Variants in NCKAP5 observed in about 807,000 individuals in gnomAD.
The protein encoded by NCKAP5 is NCK associated protein 5, also known as nck-associated protein 5.
Under a neutral mutation model 167.0 loss-of-function variants are expected in NCKAP5, and 92 were observed. The observed-to-expected ratio is 0.55, with a 90% CI of 0.47 to 0.66. The LOEUF (loss-of-function observed/expected upper bound fraction) is 0.66. Ranked by LOEUF, NCKAP5 falls within the 30% of genes least tolerant of loss-of-function variation. The pLI is 0.00. For missense variants in NCKAP5, 2,378 were observed against 2,315.0 expected (o/e 1.03, Z -0.56); for synonymous variants, 891 against 877.4 (o/e 1.02, Z -0.27).
chr2:133,381,483 C>A (rs1195545851), intron 3 of NCKAP5: 1 of 152,190 alleles, frequency 6.6e-6, no homozygotes, highest in Non-Finnish European at 1.5e-5. Context: ...AGAACTGCTC[C>A]CTCTATCCAG....
At chr2:132,875,817 G>A (rs1424499271) in intron 9 of NCKAP5, among the ~76,000 whole-genome samples, 2 of 152,196 alleles carry the variant, frequency 1.3e-5, no homozygotes, top group Non-Finnish European at 2.9e-5. Context: ...GAGATAGGGA[G>A]CAGTAGCGGT....
At chr2:133,207,654 A>G (rs1238366199) in intron 5 of NCKAP5, among the ~76,000 whole-genome samples, 1 of 151,092 alleles carries the variant, frequency 6.6e-6, no homozygotes, top group East Asian at 1.9e-4. Context: ...GAAAAACAAC[A>G]ACGACAACAA....
chr2:133,059,255 G>A (rs1227158886), intron 6 of NCKAP5, among the ~76,000 whole-genome samples: 3 of 151,950 alleles, frequency 2.0e-5, no homozygotes, highest in Admixed American at 1.3e-4. Context: ...AGCCGAGATC[G>A]CGCCACTGCA....
intron 19 of NCKAP5, among the ~76,000 whole-genome samples, chr2:132,694,696 G>T (rs1452008875): frequency 6.6e-6 from 1 of 152,186 alleles, no homozygotes; most frequent in East Asian, 1.9e-4. Flanking sequence ...TGACTCAGCT[G>T]GGGTGCCATC....
intron 5 of NCKAP5, among the ~76,000 whole-genome samples, chr2:133,161,859 A>G (rs2083807856): frequency 6.6e-6 from 1 of 152,204 alleles, no homozygotes. Context: ...AACTGTCCAC[A>G]AAGACATCTT....
intron 4 of NCKAP5, among the ~76,000 whole-genome samples, chr2:133,231,358 A>G (rs760229012): frequency 1.3e-5 from 2 of 152,168 alleles, no homozygotes; most frequent in Non-Finnish European, 2.9e-5. Flanking sequence ...ACCAATCAAC[A>G]TATTCACCCT....
chr2:133,333,281 T>A (rs1682988104), intron 3 of NCKAP5, among the ~76,000 whole-genome samples: 1 of 152,164 alleles, frequency 6.6e-6, no homozygotes, highest in Non-Finnish European at 1.5e-5. Flanking sequence ...CTTTTCTCCC[T>A]CTTTTTTAGA....
intron 5 of NCKAP5, among the ~76,000 whole-genome samples, chr2:133,171,654 G>A (rs1450504680): frequency 6.6e-6 from 1 of 152,182 alleles, no homozygotes; most frequent in Non-Finnish European, 1.5e-5. Context: ...GAGAAAAGGT[G>A]CTTAGCTTCT....
rs572766982 is a variant in NCKAP5 at position 132,731,801 on chromosome 2, G to T, written c.5379C>A (p.Asp1793Glu). ...ADSAIVHSTSDPIMTARGMRP... is the reference protein window; with the variant it reads ...ADSAIVHSTSEPIMTARGMRP... The stretch of plus-strand genomic sequence containing the variant: ...TCATCCCTCTGGCGGTCATGATGGG[G>T]TCGGATGTGGAATGAACAATGGCGC... Residue 1793 changes from aspartate to glutamate, a missense_variant, in exon 17 of 20, where the codon GAC becomes GAA. Asp to Glu is a conservative substitution (Grantham distance 45, BLOSUM62 2). Transcript: ENST00000409261. 3 of 1,613,938 alleles carry T rather than the reference G, an allele frequency of 1.9e-6. No homozygotes were observed. In the South Asian group the frequency reaches 3.3e-5, roughly 18 times the overall value.
chr2:132,982,094 G>T (rs1468154111), intron 7 of NCKAP5, among the ~76,000 whole-genome samples: 1 of 152,244 alleles, frequency 6.6e-6, no homozygotes, highest in East Asian at 1.9e-4. Context: ...GAGGCAGGAA[G>T]AATTTGGCTA....
intron 5 of NCKAP5, among the ~76,000 whole-genome samples, chr2:133,190,343 T>C (rs555675946): frequency 2.6e-5 from 4 of 152,178 alleles, no homozygotes; most frequent in Non-Finnish European, 5.9e-5. Flanking sequence ...AAAATGGCCA[T>C]ACTGCCCAAG....
the NCKAP5 span, among the ~76,000 whole-genome samples, chr2:133,658,252 C>T: frequency 2.0e-5 from 3 of 152,114 alleles, no homozygotes; most frequent in South Asian, 2.1e-4. Context: ...TGATTGTGGT[C>T]TCTGAGGCAT....
At position 133,115,822 on chromosome 2, in the gene NCKAP5, T is replaced by TCACACACA. The variant is rs141741244; in HGVS notation, c.341+14148_341+14155dup. Among the ~76,000 whole-genome samples the TCACACACA allele has an allele frequency of 4.7e-3, 573 of 122,950 alleles. 2 individuals carry two copies. Among genetic ancestry groups the TCACACACA allele is most frequent in the African/African-American group, 6.7e-3 (230 of 34,198 alleles). The allele number at this position is 122,950 out of a possible 152,430, so 80.7% of individuals were successfully genotyped here. On this transcript the variant is annotated intron_variant, in intron 6 of 19. Coordinates refer to ENST00000409261, the MANE Select transcript of NCKAP5 (RefSeq NM_207363.3). Reference sequence around the variant, plus strand: ...ATATATATATATATATATATAGTGTTCACACACACACACACACACACGCCC... The same window carrying TCACACACA: ...ATATATATATATATATATATAGTGTTCACACACACACACACACACACACACACACGCCC...
chr2:132,715,132 A>G (rs1689242619), intron 19 of NCKAP5, among the ~76,000 whole-genome samples: 2 of 152,192 alleles, frequency 1.3e-5, no homozygotes. Context: ...GTCAGAGAAA[A>G]AGCAATTAGA....
At chr2:132,989,693 T>C (rs1209458625) in intron 7 of NCKAP5, among the ~76,000 whole-genome samples, 1 of 152,198 alleles carries the variant, frequency 6.6e-6, no homozygotes, top group Non-Finnish European at 1.5e-5. Flanking sequence ...CTTTGTGACC[T>C]GAGATTTTAG....
intron 2 of NCKAP5, among the ~76,000 whole-genome samples, chr2:133,549,773 C>CA (rs1415693445): frequency 6.7e-6 from 1 of 148,186 alleles, no homozygotes; most frequent in Non-Finnish European, 1.5e-5. Context: ...AATAGAGACA[C>CA]AAAAAAACCC....
At chr2:132,939,023 G>A (rs1346603353) in intron 8 of NCKAP5, among the ~76,000 whole-genome samples, 1 of 152,048 alleles carries the variant, frequency 6.6e-6, no homozygotes, top group African/African-American at 2.4e-5. Flanking sequence ...TTCATGTTTA[G>A]TTTTTACTTT....
At chr2:133,218,969 T>C (rs989809170) in intron 4 of NCKAP5, among the ~76,000 whole-genome samples, 1 of 152,228 alleles carries the variant, frequency 6.6e-6, no homozygotes, top group African/African-American at 2.4e-5. Context: ...TGAAATTTTG[T>C]AGACTGTCCA....
chr2:133,178,502 C>T (rs2084572653), intron 5 of NCKAP5, among the ~76,000 whole-genome samples: 1 of 45,822 alleles, frequency 2.2e-5, no homozygotes, highest in Admixed American at 3.0e-4. Flanking sequence ...GAGACCCTGT[C>T]TCAAAAAAAA....
Sources: allele counts gnomAD v4.1 joint callset (sites outside exome capture counted in the v4.1 genomes callset), GRCh38; gene constraint gnomAD v4.1.1; transcripts MANE v1.5; gene names NCBI Gene and HGNC (gene_info 2026-07-23, HGNC 2026-07-21).